The following RBFOX1 variants were observed in gnomAD, a reference collection of about 807,000 sequenced individuals.
RBFOX1 encodes RNA binding protein fox-1 homolog 1.
In RBFOX1, 8 loss-of-function variants were observed where a neutral mutation model predicts 57.7. The ratio of observed to expected loss-of-function variants is 0.14; its 90% CI spans 0.08 to 0.25. RBFOX1 has a LOEUF of 0.25. Ranked by LOEUF, RBFOX1 falls within the 10% of genes least tolerant of loss-of-function variation. RBFOX1 has a pLI of 1.00. For synonymous variants in RBFOX1, 326 were observed against 222.4 expected (o/e 1.47, Z -4.15); for missense variants, 611 against 548.5 (o/e 1.11, Z -1.14).
chr16:6,105,688 AT>A (rs201033589), intron 1 of RBFOX1, among the ~76,000 whole-genome samples: 4,050 of 145,582 alleles, frequency 0.028, 182 homozygotes, highest in African/African-American at 0.098. Flanking sequence ...GAAAAAAAAT[AT>A]ATATATATAT....
chr16:7,397,684 A>C (rs954444984), intron 4 of RBFOX1, among the ~76,000 whole-genome samples: 1 of 152,240 alleles, frequency 6.6e-6, no homozygotes, highest in Admixed American at 6.5e-5. Flanking sequence ...TGATATTTAC[A>C]TAGGAAGACT....
intron 4 of RBFOX1, among the ~76,000 whole-genome samples, chr16:7,477,163 C>T (rs890108190): frequency 2.6e-5 from 4 of 152,136 alleles, no homozygotes; most frequent in African/African-American, 9.7e-5. Context: ...AAACCAACTA[C>T]AAATAAATGG....
At chr16:7,540,055 T>A (rs1248724059) in intron 5 of RBFOX1, among the ~76,000 whole-genome samples, 1 of 152,222 alleles carries the variant, frequency 6.6e-6, no homozygotes, top group East Asian at 1.9e-4. Flanking sequence ...CTTCTATTAT[T>A]ATCATGTATG....
At chr16:5,541,535 G>T (rs1029525534) in intron 2 of RBFOX1, among the ~76,000 whole-genome samples, 1 of 152,108 alleles carries the variant, frequency 6.6e-6, no homozygotes, top group Non-Finnish European at 1.5e-5. Context: ...AGAGACAAAG[G>T]GTTGCATTCT....
At chr16:7,005,910 T>C (rs1486840944) in intron 3 of RBFOX1, among the ~76,000 whole-genome samples, 3 of 152,186 alleles carry the variant, frequency 2.0e-5, no homozygotes, top group East Asian at 1.9e-4. Flanking sequence ...AGTGATATAA[T>C]TGGTCTTTCT....
At chr16:7,419,977 T>C (rs931762619) in intron 4 of RBFOX1, among the ~76,000 whole-genome samples, 8 of 150,748 alleles carry the variant, frequency 5.3e-5, no homozygotes, top group African/African-American at 9.8e-5. Flanking sequence ...AGTATGGTTT[T>C]AGAACCCAGT....
At chr16:5,927,913 A>C (rs190129649) in intron 4 of RBFOX1, among the ~76,000 whole-genome samples, 204 of 152,262 alleles carry the variant, frequency 1.3e-3, no homozygotes, top group African/African-American at 3.8e-3. Flanking sequence ...TCCTGGAAAC[A>C]GAGAGTAGAA....
chr16:6,321,863 G>A (rs2081842683), intron 2 of RBFOX1, among the ~76,000 whole-genome samples: 1 of 152,164 alleles, frequency 6.6e-6, no homozygotes, highest in Admixed American at 6.6e-5. Flanking sequence ...TACGTTGGTA[G>A]GTTTAGAATA....
Position 6,904,408 on chromosome 16 carries a change from C to G in RBFOX1, c.-15-147649C>G, listed in dbSNP as rs191626101. On this transcript the variant is annotated intron_variant, in intron 3 of 15. Coordinates refer to ENST00000550418, the MANE Select transcript of RBFOX1 (RefSeq NM_018723.4). ...TTGAGGTCAGGAGTTTGAGACCAGT[C>G]TGGCCAACATGGTGAATCCTCCTGT... Among the ~76,000 whole-genome samples the G allele has an allele frequency of 3.4e-3, 510 of 151,894 alleles. 1 individual carries two copies. The highest frequency in any genetic ancestry group is 5.4e-3 in the Non-Finnish European group (367 of 67,958).
chr16:7,685,326 G>T (rs1310176558), intron 14 of RBFOX1, among the ~76,000 whole-genome samples: 1 of 152,146 alleles, frequency 6.6e-6, no homozygotes, highest in Admixed American at 6.6e-5. Context: ...GAGAGAGTAA[G>T]AACTATCAAC....
chr16:6,894,963 C>A (rs531603129), intron 3 of RBFOX1, among the ~76,000 whole-genome samples: 1 of 152,246 alleles, frequency 6.6e-6, no homozygotes, highest in South Asian at 2.1e-4. Context: ...TTGCAACATA[C>A]ACCCTTCCAG....
At chr16:6,411,103 G>A (rs1234537760) in intron 2 of RBFOX1, among the ~76,000 whole-genome samples, 7 of 152,138 alleles carry the variant, frequency 4.6e-5, no homozygotes, top group East Asian at 3.9e-4. Context: ...TGGATGTCCC[G>A]CAATCATGGG....
chr16:5,524,270 G>C (rs1003656295), intron 2 of RBFOX1, among the ~76,000 whole-genome samples: 2 of 152,074 alleles, frequency 1.3e-5, no homozygotes, highest in African/African-American at 4.8e-5. Context: ...ATATTTCCGT[G>C]CTGTGTTACT....
intron 3 of RBFOX1, among the ~76,000 whole-genome samples, chr16:5,815,854 G>C (rs887468115): frequency 6.6e-6 from 1 of 152,206 alleles, no homozygotes; most frequent in Non-Finnish European, 1.5e-5. Flanking sequence ...AATGAACTCA[G>C]ATGGGGGCAG....
At chr16:5,574,159 C>T (rs1047584935) in intron 2 of RBFOX1, among the ~76,000 whole-genome samples, 1 of 152,058 alleles carries the variant, frequency 6.6e-6, no homozygotes, top group South Asian at 2.1e-4. Context: ...TATGCCTATG[C>T]GGATCTATGA....
chr16:5,858,625 A>T (rs140834950), intron 3 of RBFOX1, among the ~76,000 whole-genome samples: 3 of 152,360 alleles, frequency 2.0e-5, no homozygotes, highest in African/African-American at 7.2e-5. Flanking sequence ...ATTTTCAAGC[A>T]AGTGCATGTA....
chr16:6,886,089 G>A (rs2063962714), intron 3 of RBFOX1, among the ~76,000 whole-genome samples: 2 of 147,552 alleles, frequency 1.4e-5, no homozygotes, highest in South Asian at 4.3e-4. Flanking sequence ...TTGAGACGGA[G>A]TCTCGCTCTG....
At chr16:6,206,461 A>AT (rs1014326147) in intron 1 of RBFOX1, among the ~76,000 whole-genome samples, 4 of 151,974 alleles carry the variant, frequency 2.6e-5, no homozygotes, top group African/African-American at 9.7e-5. Context: ...GTATTTACTC[A>AT]TTTTTTGTCA....
intron 1 of RBFOX1, among the ~76,000 whole-genome samples, chr16:5,354,823 C>T (rs899256843): frequency 5.3e-5 from 8 of 152,200 alleles, no homozygotes; most frequent in African/African-American, 1.9e-4. Flanking sequence ...TCTGAGACTC[C>T]TGATGGCAGC....
Sources: gnomAD v4.1 joint callset for allele counts (sites outside exome capture counted in the v4.1 genomes callset) on GRCh38, gnomAD v4.1.1 for gene constraint, MANE v1.5 for transcripts, NCBI Gene and HGNC (gene_info 2026-07-23, HGNC 2026-07-21) for gene names.